DLGAP1: variants seen among roughly 807,000 people sequenced by gnomAD.
DLGAP1 encodes the protein disks large-associated protein 1.
In DLGAP1, 11 loss-of-function variants were observed where a neutral mutation model predicts 90.8. That is an observed-to-expected ratio of 0.12 (90% confidence interval 0.08 to 0.20). The LOEUF (loss-of-function observed/expected upper bound fraction) is 0.20. Among genes scored for constraint, DLGAP1 ranks in the 10% least tolerant of loss-of-function variants. The pLI, the probability that DLGAP1 is intolerant of heterozygous loss-of-function variation, is 1.00. For synonymous variants in DLGAP1, 558 were observed against 540.7 expected (o/e 1.03, Z -0.44); for missense variants, 1,050 against 1,333.8 (o/e 0.79, Z 3.31).
intron 1 of DLGAP1, among the ~76,000 whole-genome samples, chr18:4,396,279 G>C (rs1202506977): frequency 1.3e-5 from 2 of 152,120 alleles, no homozygotes; most frequent in Admixed American, 6.5e-5. Flanking sequence ...GATTCCAAAA[G>C]GTTCATTAGC....
At chr18:3,940,385 T>C (rs2072741922) in intron 3 of DLGAP1, among the ~76,000 whole-genome samples, 2 of 152,240 alleles carry the variant, frequency 1.3e-5, no homozygotes, top group Non-Finnish European at 2.9e-5. Context: ...AACAAGTGAT[T>C]ATTACTGTTT....
At chr18:4,177,785 A>G (rs1254965488) in intron 1 of DLGAP1, among the ~76,000 whole-genome samples, 1 of 152,114 alleles carries the variant, frequency 6.6e-6, no homozygotes, top group South Asian at 2.1e-4. Context: ...CTTTGCTGCA[A>G]AGGACATTAT....
chr18:3,954,687 A>C (rs1735121618), intron 3 of DLGAP1, among the ~76,000 whole-genome samples: 1 of 152,216 alleles, frequency 6.6e-6, no homozygotes, highest in Non-Finnish European at 1.5e-5. Context: ...AACTTTTCAA[A>C]GGGTCTATAA....
chr18:4,451,971 A>G (rs1022783637), intron 1 of DLGAP1, among the ~76,000 whole-genome samples: 2 of 152,194 alleles, frequency 1.3e-5, no homozygotes, highest in Middle Eastern at 3.2e-3. Context: ...TCTTATTTCA[A>G]TGGTGTTCCT....
intron 9 of DLGAP1, among the ~76,000 whole-genome samples, chr18:3,537,685 C>A (rs140738280): frequency 6.6e-6 from 1 of 152,204 alleles, no homozygotes; most frequent in East Asian, 1.9e-4. Flanking sequence ...GAGGAACAAC[C>A]CTAATATTTT....
At chr18:3,948,785 G>A (rs1190955106) in intron 3 of DLGAP1, among the ~76,000 whole-genome samples, 20 of 152,106 alleles carry the variant, frequency 1.3e-4, no homozygotes, top group Admixed American at 1.3e-3. Context: ...GGTGGGAAGG[G>A]AGTGAGGAAT....
intron 3 of DLGAP1, among the ~76,000 whole-genome samples, chr18:3,913,893 CT>C (rs1486735425): frequency 6.6e-6 from 1 of 152,134 alleles, no homozygotes; most frequent in Non-Finnish European, 1.5e-5. Flanking sequence ...AAGAATAATA[CT>C]GAACTAAATG....
chr18:3,654,698 G>A (rs761450997), intron 7 of DLGAP1: 9 of 152,088 alleles, frequency 5.9e-5, no homozygotes, highest in Non-Finnish European at 8.8e-5. Context: ...CTCTTATATC[G>A]TTTTAGGCAG....
At chr18:4,208,711 AG>A (rs749321229) in intron 1 of DLGAP1, among the ~76,000 whole-genome samples, 38 of 152,096 alleles carry the variant, frequency 2.5e-4, no homozygotes, top group Non-Finnish European at 4.9e-4. Context: ...CAACACCAAG[AG>A]GGTGACAGAG....
At chr18:3,505,231 T>C (rs771763309) in intron 11 of DLGAP1, among the ~76,000 whole-genome samples, 84 of 152,176 alleles carry the variant, frequency 5.5e-4, no homozygotes, top group Non-Finnish European at 7.1e-4. Flanking sequence ...TGTATAAGGA[T>C]TGTGGTTGAA....
intron 2 of DLGAP1, among the ~76,000 whole-genome samples, chr18:4,039,888 T>C (rs532403200): frequency 1.4e-4 from 22 of 152,338 alleles, no homozygotes; most frequent in African/African-American, 5.1e-4. Flanking sequence ...TTGCAAATGA[T>C]AGCTTTAATT....
intron 1 of DLGAP1, among the ~76,000 whole-genome samples, chr18:4,376,089 TTGA>T (rs979585945): frequency 7.2e-5 from 11 of 152,148 alleles, no homozygotes; most frequent in Non-Finnish European, 2.9e-5. Context: ...TGAATTATAC[TTGA>T]TGATAGAAAG....
At chr18:4,140,050 A>T (rs1291698477) in intron 2 of DLGAP1, among the ~76,000 whole-genome samples, 2 of 151,762 alleles carry the variant, frequency 1.3e-5, no homozygotes, top group Admixed American at 6.6e-5. Flanking sequence ...CTTGTCTTTT[A>T]TCCATTCAGC....
chr18:3,927,385 G>A (rs2072415934), intron 3 of DLGAP1, among the ~76,000 whole-genome samples: 1 of 152,168 alleles, frequency 6.6e-6, no homozygotes, highest in Non-Finnish European at 1.5e-5. Context: ...AAATGAGCAA[G>A]TATAATTATT....
chr18:4,238,699 C>T (rs188576817), intron 1 of DLGAP1, among the ~76,000 whole-genome samples: 1 of 152,160 alleles, frequency 6.6e-6, no homozygotes, highest in Admixed American at 6.5e-5. Flanking sequence ...TAATTCTAAT[C>T]AAAATATGTA....
chr18:4,008,226 TACACAC>T (rs67739004), intron 2 of DLGAP1, among the ~76,000 whole-genome samples: 4 of 147,008 alleles, frequency 2.7e-5, no homozygotes, highest in Admixed American at 6.8e-5. Context: ...TATATATATA[TACACAC>T]ACACACACAC....
chr18:4,236,633 G>A (rs8092294), intron 1 of DLGAP1, among the ~76,000 whole-genome samples: 1,774 of 151,874 alleles, frequency 0.012, 26 homozygotes, highest in African/African-American at 0.04. Context: ...CCTTAAATGA[G>A]TTATCTTAAT....
At chr18:3,583,429 T>C (rs972027674) in intron 7 of DLGAP1, among the ~76,000 whole-genome samples, 2 of 152,040 alleles carry the variant, frequency 1.3e-5, no homozygotes, top group Admixed American at 6.6e-5. Flanking sequence ...CTTGCCTATC[T>C]CTCTCTCTGT....
chr18:3,685,563 CAAAAAAAAA>C (rs59737533), intron 7 of DLGAP1, among the ~76,000 whole-genome samples: 11,732 of 76,482 alleles, frequency 0.15, 626 homozygotes, highest in Middle Eastern at 0.2. Context: ...GATTCCGTCT[CAAAAAAAAA>C]AAAAAAAAAA....
Sources: gnomAD v4.1 joint callset for allele counts (sites outside exome capture counted in the v4.1 genomes callset) on GRCh38, gnomAD v4.1.1 for gene constraint, MANE v1.5 for transcripts, NCBI Gene and HGNC (gene_info 2026-07-23, HGNC 2026-07-21) for gene names.